Variants in ENOX1 observed in about 807,000 individuals in gnomAD.
ENOX1 encodes ecto-NOX disulfide-thiol exchanger 1.
ENOX1 carries 42 observed loss-of-function variants against 82.5 expected under a neutral mutation model. The observed-to-expected ratio is 0.51, with a 90% CI of 0.40 to 0.66. The LOEUF (loss-of-function observed/expected upper bound fraction) is 0.66. Among genes scored for constraint, ENOX1 ranks in the 30% least tolerant of loss-of-function variants. The pLI is 0.00. For synonymous variants in ENOX1, 271 were observed against 282.2 expected, an observed-to-expected ratio of 0.96 and a Z score of 0.40; for missense variants, 608 against 811.6, an observed-to-expected ratio of 0.75 and a Z score of 3.05.
At chr13:43,400,898 C>A (rs561034204) in intron 5 of ENOX1, among the ~76,000 whole-genome samples, 2 of 152,254 alleles carry the variant, frequency 1.3e-5, no homozygotes, top group East Asian at 3.9e-4. Flanking sequence ...TCATTTGCCC[C>A]CAAATCCTAA....
At chr13:43,350,893 A>G (rs2153551730) in intron 8 of ENOX1, among the ~76,000 whole-genome samples, 1 of 152,354 alleles carries the variant, frequency 6.6e-6, no homozygotes, top group Non-Finnish European at 1.5e-5. Flanking sequence ...CTATAAAGGA[A>G]CAATGAGGAG....
chr13:43,453,028 A>G (rs1298636046), intron 3 of ENOX1, among the ~76,000 whole-genome samples: 2 of 152,222 alleles, frequency 1.3e-5, no homozygotes, highest in African/African-American at 4.8e-5. Context: ...AAGCATGGGA[A>G]GCTATGAATG....
intron 3 of ENOX1, among the ~76,000 whole-genome samples, chr13:43,474,751 T>C (rs1359434343): frequency 1.3e-5 from 2 of 152,222 alleles, no homozygotes; most frequent in Non-Finnish European, 2.9e-5. Flanking sequence ...ATCTTCCTCC[T>C]GCTAAGCCAT....
rs932486415 is a variant in ENOX1, at chr13:43,287,617, A to G, written c.1446+10729T>C. On this transcript the variant is annotated intron_variant, in intron 12 of 16. Transcript: ENST00000690772. ...ATTATTCATGCCCTTAGGTGGCATC[A>G]GTACGGCTTATCTTCTTCCTCATCT... 4.6e-5 allele frequency among the ~76,000 whole-genome samples: 7 copies of G among 152,214 alleles called. No individual in the cohort carries two copies. In the South Asian group the frequency reaches 6.2e-4, roughly 14 times the overall value.
intron 1 of ENOX1, among the ~76,000 whole-genome samples, chr13:43,703,982 T>G (rs1473568554): frequency 6.6e-6 from 1 of 151,902 alleles, no homozygotes; most frequent in Non-Finnish European, 1.5e-5. Context: ...GAACTAAAAA[T>G]AACAGGGATG....
At chr13:43,551,985 G>A (rs1349455279) in intron 2 of ENOX1, among the ~76,000 whole-genome samples, 1 of 152,072 alleles carries the variant, frequency 6.6e-6, no homozygotes, top group Non-Finnish European at 1.5e-5. Flanking sequence ...GTATTTTAAT[G>A]TCCTGCTGGC....
chr13:43,746,428 G>A (rs1342924978), intron 1 of ENOX1, among the ~76,000 whole-genome samples: 1 of 152,068 alleles, frequency 6.6e-6, no homozygotes, highest in African/African-American at 2.4e-5. Flanking sequence ...AATTTAAGAG[G>A]AGCTTTGAAG....
At chr13:43,260,926 C>G (rs1165446605) in intron 14 of ENOX1, among the ~76,000 whole-genome samples, 1 of 152,172 alleles carries the variant, frequency 6.6e-6, no homozygotes, top group East Asian at 1.9e-4. Flanking sequence ...GTTAATATAT[C>G]CAGTTCCAAC....
chr13:43,752,500 A>C (rs972754643), intron 1 of ENOX1, among the ~76,000 whole-genome samples: 2 of 152,204 alleles, frequency 1.3e-5, no homozygotes, highest in African/African-American at 4.8e-5. Flanking sequence ...CTTCCACAAG[A>C]TTTATAGTTT....
At chr13:43,757,736 G>A (rs978199580) in intron 1 of ENOX1, among the ~76,000 whole-genome samples, 5 of 152,192 alleles carry the variant, frequency 3.3e-5, no homozygotes, top group South Asian at 2.1e-4. Context: ...GTACAACTGC[G>A]GAAAGCATTT....
intron 2 of ENOX1, among the ~76,000 whole-genome samples, chr13:43,550,729 C>T (rs2079158937): frequency 1.3e-5 from 2 of 152,140 alleles, no homozygotes; most frequent in Non-Finnish European, 2.9e-5. Flanking sequence ...TGCTCAAAAA[C>T]TACAAAAACT....
chr13:43,682,768 C>T (rs968923139), intron 1 of ENOX1, among the ~76,000 whole-genome samples: 1 of 152,054 alleles, frequency 6.6e-6, no homozygotes, highest in African/African-American at 2.4e-5. Context: ...AGATGCCTCT[C>T]AGAAAAAGAA....
chr13:43,305,524 G>T (rs764363213), intron 11 of ENOX1, among the ~76,000 whole-genome samples: 4 of 151,910 alleles, frequency 2.6e-5, no homozygotes, highest in African/African-American at 9.7e-5. Context: ...TGGCTTAAAT[G>T]TGAGTCTGGA....
chr13:43,705,933 T>C lies in ENOX1; in HGVS notation c.-284-38389A>G, dbSNP rs1025542094. 1.6e-4 allele frequency among the ~76,000 whole-genome samples: 24 copies of C among 152,158 alleles called. 1 individual carries two copies. Among genetic ancestry groups the C allele is most frequent in the African/African-American group, 4.8e-4 (20 of 41,550 alleles). On this transcript the variant is annotated intron_variant, in intron 1 of 16. Transcript: ENST00000690772. ...ACTATATATTGGAATAAAAAACATC[T>C]TAATAAATTTTTAAAAATCAGATAG... is the stretch of plus-strand genomic sequence containing the variant.
intron 1 of ENOX1, among the ~76,000 whole-genome samples, chr13:43,707,312 C>A (rs749068502): frequency 6.6e-6 from 1 of 152,062 alleles, no homozygotes; most frequent in Non-Finnish European, 1.5e-5. Flanking sequence ...AACATTAAAC[C>A]GTGACCTGCC....
intron 2 of ENOX1, among the ~76,000 whole-genome samples, chr13:43,655,849 T>C (rs1441103890): frequency 6.6e-6 from 1 of 152,192 alleles, no homozygotes; most frequent in Non-Finnish European, 1.5e-5. Context: ...CAAGAGCTGG[T>C]GGGTTTCCTT....
intron 14 of ENOX1, among the ~76,000 whole-genome samples, chr13:43,242,279 C>G (rs9533435): frequency 0.5 from 76,002 of 152,106 alleles, 20,922 homozygotes; most frequent in Middle Eastern, 0.63. Flanking sequence ...TCTTTTTCCT[C>G]TTAATTTCCT....
chr13:43,509,669 C>T (rs2153673634), intron 2 of ENOX1, among the ~76,000 whole-genome samples: 1 of 152,158 alleles, frequency 6.6e-6, no homozygotes, highest in East Asian at 1.9e-4. Context: ...AGAAAGATTA[C>T]AGTCTGTGGA....
chr13:43,530,135 A>G (rs552818829), intron 2 of ENOX1, among the ~76,000 whole-genome samples: 26 of 152,246 alleles, frequency 1.7e-4, no homozygotes, highest in African/African-American at 6.0e-4. Context: ...AAAGCATCCA[A>G]TGTTCATAGT....
Sources: allele counts gnomAD v4.1 joint callset (sites outside exome capture counted in the v4.1 genomes callset), GRCh38; gene constraint gnomAD v4.1.1; transcripts MANE v1.5; gene names NCBI Gene and HGNC (gene_info 2026-07-23, HGNC 2026-07-21).